PIP5K1B: variants seen among roughly 807,000 people sequenced by gnomAD.
PIP5K1B encodes phosphatidylinositol 4-phosphate 5-kinase type-1 beta.
A neutral mutation model predicts 67.0 loss-of-function variants in PIP5K1B; 42 were observed. The observed-to-expected ratio is 0.63, with a 90% CI of 0.49 to 0.81. The LOEUF (loss-of-function observed/expected upper bound fraction) is 0.81, where lower values mean the gene tolerates loss of function less well. Ranked by LOEUF, PIP5K1B falls within the 30% of genes least tolerant of loss-of-function variation. The probability of loss-of-function intolerance (pLI) is 0.00; values close to 1 mark genes in which losing one functional copy is unlikely to be tolerated. For missense variants in PIP5K1B, 459 were observed against 646.3 expected (o/e 0.71, Z 3.14); for synonymous variants, 214 against 231.4 (o/e 0.92, Z 0.68).
rs137941163 is a variant in PIP5K1B at position 68,709,454 on chromosome 9, A to T, written c.-243+3692A>T. Among the ~76,000 whole-genome samples, 1,255 of 152,198 alleles carry T rather than the reference A, an allele frequency of 8.2e-3. 21 individuals are homozygous for T. The highest frequency in any genetic ancestry group is 0.029 in the African/African-American group (1,187 of 41,530). On this transcript the variant is annotated intron_variant, in intron 1 of 15. Transcript: ENST00000265382. The stretch of plus-strand genomic sequence containing the variant: ...CACCATGTTGCCTAGGCTGGTCTGT[A>T]ACTCGTGGATTCAAGCAATCCACAG...
At chr9:68,918,167 G>A (rs764050765) in intron 9 of PIP5K1B, among the ~76,000 whole-genome samples, 7 of 147,148 alleles carry the variant, frequency 4.8e-5, no homozygotes, top group Non-Finnish European at 7.4e-5. Flanking sequence ...TCAGTTCACT[G>A]CAACCTCCAC....
rs1377762186 is a variant in PIP5K1B at position 68,959,166 on chromosome 9, T to A, written c.1502+18376T>A. ...CTGATTATGAAAATTATACAGGAAC[T>A]TTATGATAGAGGAAATTTGGAAAAG... On this transcript the variant is annotated intron_variant, in intron 14 of 15. Transcript: ENST00000265382. 3.3e-5 allele frequency among the ~76,000 whole-genome samples: 5 copies of A among 152,292 alleles called. No individual in the cohort carries two copies. The Middle Eastern group carries it at 0.01, about 311-fold the overall frequency.
At chr9:68,854,862 T>C (rs1435553909) in intron 4 of PIP5K1B, among the ~76,000 whole-genome samples, 1 of 152,240 alleles carries the variant, frequency 6.6e-6, no homozygotes, top group Non-Finnish European at 1.5e-5. Flanking sequence ...TCCGTGGATA[T>C]GTACACGTGT....
intron 9 of PIP5K1B, among the ~76,000 whole-genome samples, chr9:68,918,765 T>A (rs1826224352): frequency 6.6e-6 from 1 of 152,206 alleles, no homozygotes; most frequent in South Asian, 2.1e-4. Context: ...ATATTAAATA[T>A]TTTTTGAAAA....
In PIP5K1B at chr9:68,934,947, C is replaced by T; in HGVS notation, c.1259C>T (p.Thr420Ile). Residue 420 changes from threonine to isoleucine, a missense_variant, in exon 13 of 16, where the codon ACT becomes ATT. Transcript: ENST00000265382. The part of the protein sequence containing the change: ...RCNSIAALKA[T>I]SQEIVSSISQ... ...AATTCAATCGCCGCCCTAAAGGCCACTTCACAGGAGATTGTGTCCTCAATT... is the reference window on the plus strand; with the variant it reads ...AATTCAATCGCCGCCCTAAAGGCCATTTCACAGGAGATTGTGTCCTCAATT... The T allele has an allele frequency of 3.7e-6, 6 of 1,613,496 alleles. No homozygotes were observed. Among genetic ancestry groups the T allele is most frequent in the Non-Finnish European group, 5.1e-6 (6 of 1,179,606 alleles).
chr9:68,917,344 C>G (rs1274868963), intron 8 of PIP5K1B, among the ~76,000 whole-genome samples: 1 of 152,188 alleles, frequency 6.6e-6, no homozygotes, highest in African/African-American at 2.4e-5. Flanking sequence ...AAATTCCCAT[C>G]TTGGAGCCAT....
At chr9:68,844,589 G>A (rs1474759443) in intron 4 of PIP5K1B, among the ~76,000 whole-genome samples, 2 of 151,838 alleles carry the variant, frequency 1.3e-5, no homozygotes, top group Non-Finnish European at 1.5e-5. Flanking sequence ...CAATGGGGGA[G>A]ATCCAGTGGG....
chr9:68,894,769 C>T, intron 8 of PIP5K1B, 131 bp downstream of exon 8: 2 of 828,622 alleles, frequency 2.4e-6, no homozygotes, highest in Non-Finnish European at 3.8e-6. Context: ...CTTTCCCAAT[C>T]CTGGCGCTGA....
At chr9:68,718,963 G>C (rs1412029169) in intron 1 of PIP5K1B, among the ~76,000 whole-genome samples, 1 of 152,156 alleles carries the variant, frequency 6.6e-6, no homozygotes, top group African/African-American at 2.4e-5. Context: ...TTGCCAGATA[G>C]AGTCATATTA....
chr9:68,844,384 C>T (rs1822076994), intron 4 of PIP5K1B, among the ~76,000 whole-genome samples: 1 of 152,144 alleles, frequency 6.6e-6, no homozygotes, highest in Non-Finnish European at 1.5e-5. Flanking sequence ...GGAAGCAGCC[C>T]TCTATTGAGC....
chr9:68,915,789 A>G (rs555607572), intron 8 of PIP5K1B, among the ~76,000 whole-genome samples: 1 of 152,162 alleles, frequency 6.6e-6, no homozygotes, highest in South Asian at 2.1e-4. Context: ...GACTTTTTGA[A>G]AGATGAAGTG....
intron 15 of PIP5K1B, among the ~76,000 whole-genome samples, chr9:69,005,681 TACAG>T (rs1831045039): frequency 6.6e-6 from 1 of 152,220 alleles, no homozygotes; most frequent in South Asian, 2.1e-4. Flanking sequence ...ACCCGGACTT[TACAG>T]ACAATTTTTA....
chr9:68,966,870 G>C (rs1344842395), intron 14 of PIP5K1B: 1 of 152,150 alleles, frequency 6.6e-6, no homozygotes, highest in Non-Finnish European at 1.5e-5. Flanking sequence ...GTCTCTTGAG[G>C]CTTTACTTGA....
intron 4 of PIP5K1B, among the ~76,000 whole-genome samples, chr9:68,830,763 C>T (rs910648198): frequency 1.3e-5 from 2 of 152,226 alleles, no homozygotes; most frequent in Admixed American, 6.5e-5. Flanking sequence ...AGTGTTACTG[C>T]AGCCAGTGGG....
chr9:68,779,972 C>T, intron 2 of PIP5K1B: 1 of 653,318 alleles, frequency 1.5e-6, no homozygotes, highest in South Asian at 3.5e-5. Flanking sequence ...CACTGCCGCG[C>T]ACATATTACG....
intron 1 of PIP5K1B, among the ~76,000 whole-genome samples, chr9:68,735,529 C>T (rs1828696605): frequency 6.6e-6 from 1 of 151,988 alleles, no homozygotes; most frequent in South Asian, 2.1e-4. Flanking sequence ...GCTGGGATTA[C>T]AGGCATGTGC....
At chr9:68,833,076 G>A (rs1200088141) in intron 4 of PIP5K1B, among the ~76,000 whole-genome samples, 1 of 152,224 alleles carries the variant, frequency 6.6e-6, no homozygotes, top group Non-Finnish European at 1.5e-5. Flanking sequence ...TTAAGGGGTG[G>A]AACAGAGGCC....
At chr9:68,743,542 A>C (rs1368954458) in intron 2 of PIP5K1B, among the ~76,000 whole-genome samples, 1 of 152,194 alleles carries the variant, frequency 6.6e-6, no homozygotes, top group African/African-American at 2.4e-5. Flanking sequence ...CTTTCATAAG[A>C]ACACTGCATA....
chr9:68,927,236 T>C (rs1159609362), intron 12 of PIP5K1B, among the ~76,000 whole-genome samples: 1 of 152,234 alleles, frequency 6.6e-6, no homozygotes, highest in Non-Finnish European at 1.5e-5. Context: ...CGAACATTCA[T>C]GGACAAGGTT....
Sources: gnomAD v4.1 joint callset for allele counts (sites outside exome capture counted in the v4.1 genomes callset) on GRCh38, gnomAD v4.1.1 for gene constraint, MANE v1.5 for transcripts, NCBI Gene and HGNC (gene_info 2026-07-23, HGNC 2026-07-21) for gene names.